The following NAGLU variants were observed in gnomAD, a reference collection of about 807,000 sequenced individuals.
The protein encoded by NAGLU is N-acetyl-alpha-glucosaminidase, also known as alpha-N-acetylglucosaminidase.
Under a neutral mutation model 43.4 loss-of-function variants are expected in NAGLU, and 34 were observed. That is an observed-to-expected ratio of 0.78 (90% CI 0.60 to 1.04). The LOEUF (loss-of-function observed/expected upper bound fraction) is 1.04. NAGLU is among the 50% of genes least tolerant of loss of function. The pLI is 0.00. For synonymous variants in NAGLU, 425 were observed against 437.6 expected, an observed-to-expected ratio of 0.97 and a Z score of 0.36; for missense variants, 910 against 993.7, an observed-to-expected ratio of 0.92 and a Z score of 1.13.
chr17:42,537,646 G>A, intron 2 of NAGLU, 101 bp downstream of exon 2: 2 of 1,501,480 alleles, frequency 1.3e-6, no homozygotes, highest in East Asian at 2.4e-5. Context: ...CTCTCTAGAA[G>A]TGCTTTCAGC....
chr17:42,538,287 A>G, intron 2 of NAGLU, 52 bp from the exon 3 acceptor site: 1 of 1,612,766 alleles, frequency 6.2e-7, no homozygotes, highest in Non-Finnish European at 8.5e-7. Context: ...TGAATGAATG[A>G]ATGAATGAAT....
chr17:42,536,324 G>A lies in NAGLU; in HGVS notation c.52G>A (p.Ala18Thr). ...GGTGGGGGTCCTTCTCCTGGCCGGG[G>A]CCGGGGGCGCGGCAGGCGACGAGGC... is the stretch of plus-strand genomic sequence containing the variant. ...AAVGVLLLAG[A>T]GGAAGDEARE... The change falls in exon 1 of 6, where the codon GCC becomes ACC. Residue 18 changes from alanine (A) to threonine (T), a missense_variant. Physicochemically the swap from Ala to Thr is moderately conservative, Grantham distance 58. Transcript: ENST00000225927. The A allele has an allele frequency of 8.2e-7, 1 of 1,217,058 alleles. No homozygotes were observed. Among genetic ancestry groups the A allele is most frequent in the Non-Finnish European group, 1.0e-6 (1 of 979,052 alleles). The allele number at this position is 1,217,058 out of a possible 1,614,324, so 75.4% of individuals were successfully genotyped here. A position where few individuals can be genotyped will look rare whatever the true frequency, so the allele number is the denominator to read the frequency against.
At position 42,544,190 on chromosome 17, in the gene NAGLU, G is replaced by A; in HGVS notation, c.2184G>A (p.Lys728=). Residue 728 remains lysine (K), a synonymous_variant, in exon 6 of 6, where the codon AAG becomes AAA. Transcript: ENST00000225927. ...QPRGDTVDLA[K]KIFLKYYPRW... is the part of the protein sequence containing the mutation. The stretch of plus-strand genomic sequence containing the variant: ...GAGGAGACACTGTGGACCTGGCCAA[G>A]AAGATCTTCCTCAAATATTACCCCC... The A allele has an allele frequency of 6.2e-7, 1 of 1,612,910 alleles. No individual in the cohort carries two copies. Among genetic ancestry groups the A allele is most frequent in the Non-Finnish European group, 8.5e-7 (1 of 1,179,976 alleles).
At chr17:42,540,096 AGAGT>A (rs1215394412) in intron 4 of NAGLU, among the ~76,000 whole-genome samples, 1 of 147,488 alleles carries the variant, frequency 6.8e-6, no homozygotes, top group Non-Finnish European at 1.5e-5. Flanking sequence ...CCTGGGTGAC[AGAGT>A]GAGACTCCGT....
intron 4 of NAGLU, 105 bp downstream of exon 4, chr17:42,538,860 G>T (rs746860582): frequency 2.2e-5 from 30 of 1,342,938 alleles, no homozygotes; most frequent in Non-Finnish European, 2.9e-5. Flanking sequence ...AGTGGCTCAC[G>T]CCTGTAATCC....
chr17:42,540,849 A>C, intron 4 of NAGLU, 101 bp from the exon 5 acceptor site: 178 of 1,553,470 alleles, frequency 1.1e-4, no homozygotes, highest in East Asian at 5.6e-4. Context: ...CATAGAGGCA[A>C]GAGAAACCAG....
rs140386564 is a variant in NAGLU at position 42,541,094 on chromosome 17, T to C, written c.909T>C (p.Phe303=). The C allele has an allele frequency of 1.8e-5, 29 of 1,614,148 alleles. No homozygotes were observed. The highest frequency in any genetic ancestry group is 3.3e-5 in the Admixed American group (2 of 60,008). Residue 303 remains phenylalanine (F), a synonymous_variant, in exon 5 of 6, where the codon TTT becomes TTC. Transcript: ENST00000225927. ...TCCTGCGAGAGCTGATCAAAGAGTT[T>C]GGCACAGACCACATCTATGGGGCCG... ...SLFLRELIKE[F]GTDHIYGADT... is the part of the protein sequence containing the mutation.
At chr17:42,540,827 C>G in intron 4 of NAGLU, 123 bp from the exon 5 acceptor site, 1 of 1,386,334 alleles carries the variant, frequency 7.2e-7, no homozygotes, top group Non-Finnish European at 1.0e-6. Context: ...GAGAGCATAG[C>G]CTGTACAAAG....
intron 4 of NAGLU, among the ~76,000 whole-genome samples, chr17:42,538,980 G>C (rs1599256649): frequency 6.6e-6 from 1 of 152,270 alleles, no homozygotes; most frequent in East Asian, 1.9e-4. Context: ...AAATTAGCTG[G>C]GCATGGTGGC....
chr17:42,542,740 T>G (rs1599259909), intron 5 of NAGLU, among the ~76,000 whole-genome samples: 1 of 152,372 alleles, frequency 6.6e-6, no homozygotes, highest in South Asian at 2.1e-4. Context: ...GTGATCCACC[T>G]GCTTCAGCCC....
At chr17:42,540,857 C>G (rs1315975371) in intron 4 of NAGLU, 93 bp from the exon 5 acceptor site, 1 of 1,577,604 alleles carries the variant, frequency 6.3e-7, no homozygotes, top group Non-Finnish European at 8.7e-7. Flanking sequence ...CAAGAGAAAC[C>G]AGGAGCTGTA....
rs1401226079 is a variant in NAGLU, at chr17:42,541,107, A to G, written c.922A>G (p.Ile308Val). ...ELIKEFGTDH[I>V]YGADTFNEMQ... ...GATCAAAGAGTTTGGCACAGACCAC[A>G]TCTATGGGGCCGACACTTTCAATGA... The change falls in exon 5 of 6, where the codon ATC becomes GTC. Residue 308 changes from isoleucine (I) to valine (V), a missense_variant. Transcript: ENST00000225927. 2 of 1,614,076 alleles carry G rather than the reference A, an allele frequency of 1.2e-6. No individual in the cohort carries two copies. The highest frequency in any genetic ancestry group is 1.1e-5 in the South Asian group (1 of 91,078).
At position 42,536,391 on chromosome 17, in the gene NAGLU, TG is replaced by T; in HGVS notation, c.123del (p.Pro42GlnfsTer80). ...GTGCGGGCGCTCGTGGCCCGGCTGC[TG>T]GGGCCAGGCCCCGCGGCCGACTTCT... The part of the protein sequence containing the change: ...AAVRALVARL[L>X]GPGPAADFSV... On this transcript the variant is annotated frameshift_variant, in exon 1 of 6. Transcript: ENST00000225927. LOFTEE classifies it high-confidence loss of function. 2 of 1,203,020 alleles carry T rather than the reference TG, an allele frequency of 1.7e-6. No homozygotes were observed. The highest frequency in any genetic ancestry group is 1.0e-6 in the Non-Finnish European group (1 of 968,372). The allele number at this position is 1,203,020 out of a possible 1,614,324, so 74.5% of individuals were successfully genotyped here. A position where few individuals can be genotyped will look rare whatever the true frequency, so the allele number is the denominator to read the frequency against.
Position 42,542,885 on chromosome 17 carries a change from A to G in NAGLU, c.1022-143A>G. 4 of 1,255,910 alleles carry G rather than the reference A, an allele frequency of 3.2e-6. 1 individual carries two copies. The South Asian group carries it at 4.9e-5, about 15-fold the overall frequency. The allele number at this position is 1,255,910 out of a possible 1,614,324, so 77.8% of individuals were successfully genotyped here. A position where few individuals can be genotyped will look rare whatever the true frequency, so the allele number is the denominator to read the frequency against. On this transcript the variant is annotated intron_variant, in intron 5 of 5. Transcript: ENST00000225927. Reference sequence around the variant, plus strand: ...TCCTGGAGTTTTCAGAGGGACGCGTATGTGCCACAGAGCGTCCCGCTGGTG... The same window carrying G: ...TCCTGGAGTTTTCAGAGGGACGCGTGTGTGCCACAGAGCGTCCCGCTGGTG...
chr17:42,544,020 A>C lies in NAGLU; in HGVS notation c.2014A>C (p.Thr672Pro). The change falls in exon 6 of 6, where the codon ACC becomes CCC. Residue 672 changes from threonine (T) to proline (P), a missense_variant. Physicochemically the swap from Thr to Pro is conservative, Grantham distance 38. Coordinates refer to ENST00000225927, the MANE Select transcript of NAGLU (RefSeq NM_000263.4). ...GGCGGGGTTGGTGGCCAACTACTAC[A>C]CCCCTCGCTGGCGGCTTTTCCTGGA... ...QLAGLVANYY[T>P]PRWRLFLEAL... 2 of 1,609,984 alleles carry C rather than the reference A, an allele frequency of 1.2e-6. No homozygotes were observed. The highest frequency in any genetic ancestry group is 1.7e-6 in the Non-Finnish European group (2 of 1,178,374).
chr17:42,544,319 A>G lies in NAGLU; in HGVS notation c.*81A>G. 6.3e-7 allele frequency: 1 copy of G among 1,591,816 alleles called. No individual in the cohort carries two copies. Among genetic ancestry groups the G allele is most frequent in the Non-Finnish European group, 8.5e-7 (1 of 1,175,420 alleles). On this transcript the variant is annotated 3_prime_UTR_variant, in exon 6 of 6. Coordinates refer to ENST00000225927, the MANE Select transcript of NAGLU (RefSeq NM_000263.4). ...CCCAGAGCTGGACAGACATCACAGG[A>G]TAACCCAGGCCTGGGAGGAGGCCCC...
chr17:42,537,252 C>A, intron 1 of NAGLU, 146 bp from the exon 2 acceptor site: 2 of 1,230,234 alleles, frequency 1.6e-6, no homozygotes, highest in Non-Finnish European at 2.3e-6. Flanking sequence ...CTGGTCTCAG[C>A]TCCACCTGGG....
chr17:42,538,286 G>C, intron 2 of NAGLU, 53 bp from the exon 3 acceptor site: 5 of 1,612,470 alleles, frequency 3.1e-6, no homozygotes, highest in Non-Finnish European at 4.2e-6. Context: ...TTGAATGAAT[G>C]AATGAATGAA....
intron 4 of NAGLU, among the ~76,000 whole-genome samples, chr17:42,539,291 T>C (rs2092915612): frequency 6.6e-6 from 1 of 152,270 alleles, no homozygotes; most frequent in Admixed American, 6.5e-5. Flanking sequence ...TCTCTCGATC[T>C]ATCTGTGACT....
Sources: allele counts gnomAD v4.1 joint callset (sites outside exome capture counted in the v4.1 genomes callset), GRCh38; gene constraint gnomAD v4.1.1; transcripts MANE v1.5; gene names NCBI Gene and HGNC (gene_info 2026-07-23, HGNC 2026-07-21).